RALGAPA1: variants seen among roughly 807,000 people sequenced by gnomAD.
RALGAPA1 encodes Ral GTPase activating protein catalytic subunit alpha 1.
In RALGAPA1, 52 loss-of-function variants were observed where a neutral mutation model predicts 269.6. That is an observed-to-expected ratio of 0.19 (90% confidence interval 0.15 to 0.24). The LOEUF is 0.24. RALGAPA1 is among the 10% of genes least tolerant of loss of function. The pLI is 1.00. For synonymous variants in RALGAPA1, 817 were observed against 1,008.3 expected (o/e 0.81, Z 3.60); for missense variants, 1,917 against 3,013.9 (o/e 0.64, Z 8.52).
chr14:35,619,794 C>A (rs1566840139), intron 35 of RALGAPA1, among the ~76,000 whole-genome samples: 1 of 152,116 alleles, frequency 6.6e-6, no homozygotes, highest in Admixed American at 6.5e-5. Flanking sequence ...CAGGACTAAA[C>A]CAGGAAGAAG....
chr14:35,552,921 A>G (rs1460166510), intron 39 of RALGAPA1, among the ~76,000 whole-genome samples: 1 of 152,202 alleles, frequency 6.6e-6, no homozygotes, highest in East Asian at 1.9e-4. Flanking sequence ...ACATCATTAC[A>G]TATTTTAAAT....
chr14:35,625,966 C>T (rs1263473982), intron 34 of RALGAPA1, among the ~76,000 whole-genome samples: 1 of 152,216 alleles, frequency 6.6e-6, no homozygotes, highest in Non-Finnish European at 1.5e-5. Flanking sequence ...AAGTAAAATA[C>T]AGCTTCTCAT....
chr14:35,716,397 C>CAAAAAA lies in RALGAPA1; in HGVS notation c.2266+5285_2266+5290dup, dbSNP rs78953823. Reference sequence around the variant, plus strand: ...TGGGTGACAGAGTGAGACTCCGTCTCAAAAAAAAAAAAAAAAAAAAAAAGA... The same window carrying CAAAAAA: ...TGGGTGACAGAGTGAGACTCCGTCTCAAAAAAAAAAAAAAAAAAAAAAAAAAAAAGA... On this transcript the variant is annotated intron_variant, in intron 16 of 41. Coordinates refer to ENST00000680220, the MANE Select transcript of RALGAPA1 (RefSeq NM_001346249.2). 6.7e-5 allele frequency among the ~76,000 whole-genome samples: 3 copies of CAAAAAA among 44,606 alleles called. 1 individual carries two copies. The highest frequency in any genetic ancestry group is 4.9e-4 in the Admixed American group (2 of 4,106). The allele number at this position is 44,606 out of a possible 152,430, so 29.3% of individuals were successfully genotyped here.
chr14:35,730,827 T>C lies in RALGAPA1; in HGVS notation c.1588-2317A>G, dbSNP rs183142286. On this transcript the variant is annotated intron_variant, in intron 12 of 41. Coordinates refer to ENST00000680220, the MANE Select transcript of RALGAPA1 (RefSeq NM_001346249.2). Reference sequence around the variant, plus strand: ...CTGGTAACTGAAGACAAAGGACATATGCTCTTGGAAGATCTAGGGCCCCAT... The same window carrying C: ...CTGGTAACTGAAGACAAAGGACATACGCTCTTGGAAGATCTAGGGCCCCAT... Among the ~76,000 whole-genome samples the C allele has an allele frequency of 5.1e-4, 77 of 152,304 alleles. 1 individual carries two copies. Among genetic ancestry groups the C allele is most frequent in the African/African-American group, 1.7e-3 (70 of 41,560 alleles).
intron 1 of RALGAPA1, among the ~76,000 whole-genome samples, chr14:35,793,428 G>A (rs534687471): frequency 2.6e-5 from 4 of 152,002 alleles, no homozygotes; most frequent in Non-Finnish European, 5.9e-5. Flanking sequence ...GTAGAGACAG[G>A]GTTTCTCCAT....
At position 35,721,721 on chromosome 14, in the gene RALGAPA1, T is replaced by C. The variant is rs776364796; in HGVS notation, c.2233A>G (p.Lys745Glu). The C allele has an allele frequency of 4.3e-6, 7 of 1,613,716 alleles. No individual in the cohort carries two copies. The highest frequency in any genetic ancestry group is 1.7e-5 in the Admixed American group (1 of 59,990). Residue 745 changes from lysine (K) to glutamate (E), a missense_variant, in exon 16 of 42, where the codon AAG becomes GAG. By Grantham distance (56) the Lys-to-Glu change is moderately conservative (BLOSUM62 1). This residue lies in a region of RALGAPA1 where 125 missense variants were observed against 155.7 expected (regional missense o/e 0.80). Transcript: ENST00000680220. The part of the protein sequence containing the change: ...ATTTGSPGTE[K>E]ARSIVRQKTV... ...TTTTGCCGTACTATACTCCTCGCCTTTTCGGTTCCTGGAGAACCAGTGGTT... is the reference window on the plus strand; with the variant it reads ...TTTTGCCGTACTATACTCCTCGCCTCTTCGGTTCCTGGAGAACCAGTGGTT...
chr14:35,603,539 T>C (rs1463196587), intron 36 of RALGAPA1, among the ~76,000 whole-genome samples: 1 of 152,166 alleles, frequency 6.6e-6, no homozygotes, highest in Non-Finnish European at 1.5e-5. Flanking sequence ...AACAGATACC[T>C]GCACTGCCAT....
chr14:35,645,242 C>G (rs1421963050), intron 31 of RALGAPA1, among the ~76,000 whole-genome samples: 12 of 152,264 alleles, frequency 7.9e-5, no homozygotes, highest in African/African-American at 2.9e-4. Context: ...CTAATTACCT[C>G]TCAAAGGCCC....
chr14:35,621,311 T>A (rs2060609487), intron 35 of RALGAPA1, among the ~76,000 whole-genome samples: 1 of 152,180 alleles, frequency 6.6e-6, no homozygotes, highest in African/African-American at 2.4e-5. Flanking sequence ...GTTAGCCATA[T>A]GTAGAAAGCT....
chr14:35,623,043 T>C (rs945953460), intron 35 of RALGAPA1, among the ~76,000 whole-genome samples: 8 of 148,242 alleles, frequency 5.4e-5, no homozygotes, highest in African/African-American at 2.0e-4. Context: ...AGTTGTGCCA[T>C]TGCACTTCCA....
At chr14:35,674,752 T>C in intron 22 of RALGAPA1, 43 bp from the exon 23 acceptor site, 1 of 1,014,070 alleles carries the variant, frequency 9.9e-7, no homozygotes, top group Non-Finnish European at 1.5e-6. Flanking sequence ...TTCAGTGAAC[T>C]GAACATAAAA....
chr14:35,698,745 C>T (rs1374782136), intron 17 of RALGAPA1, among the ~76,000 whole-genome samples: 2 of 152,070 alleles, frequency 1.3e-5, no homozygotes, highest in African/African-American at 2.4e-5. Flanking sequence ...TTAGCTGTAT[C>T]TAATTCAGTT....
chr14:35,708,098 G>C (rs753921476), intron 16 of RALGAPA1, among the ~76,000 whole-genome samples: 2 of 152,054 alleles, frequency 1.3e-5, no homozygotes, highest in Non-Finnish European at 2.9e-5. Context: ...TCTCCATATA[G>C]AGAAATCAAA....
intron 12 of RALGAPA1, among the ~76,000 whole-genome samples, chr14:35,731,892 G>A (rs1398908488): frequency 6.6e-6 from 1 of 152,088 alleles, no homozygotes; most frequent in African/African-American, 2.4e-5. Flanking sequence ...AGAACACCTG[G>A]GAAATTCACT....
intron 17 of RALGAPA1, among the ~76,000 whole-genome samples, chr14:35,699,310 G>A (rs950957744): frequency 6.6e-6 from 1 of 152,148 alleles, no homozygotes. Flanking sequence ...TTGCGTGGAG[G>A]GGAGGAGTGT....
chr14:35,611,193 A>G (rs1017242387), intron 35 of RALGAPA1, among the ~76,000 whole-genome samples: 4 of 150,528 alleles, frequency 2.7e-5, no homozygotes, highest in Admixed American at 6.6e-5. Flanking sequence ...ACTTGAGGCC[A>G]AGAGTTTAAG....
chr14:35,702,803 G>A (rs2067478114), intron 16 of RALGAPA1, among the ~76,000 whole-genome samples: 2 of 149,358 alleles, frequency 1.3e-5, no homozygotes, highest in East Asian at 1.9e-4. Context: ...GCAGTGGCGC[G>A]ATCTCGGCTC....
intron 39 of RALGAPA1, among the ~76,000 whole-genome samples, chr14:35,560,404 T>C (rs1266653731): frequency 6.6e-6 from 1 of 152,162 alleles, no homozygotes; most frequent in African/African-American, 2.4e-5. Context: ...CCTTAAAAAA[T>C]TCTTCCCTGA....
At chr14:35,693,348 A>G (rs2066646529) in intron 17 of RALGAPA1, among the ~76,000 whole-genome samples, 1 of 151,820 alleles carries the variant, frequency 6.6e-6, no homozygotes. Flanking sequence ...AGGAACCAAT[A>G]AAAAAACTTT....
Sources: gnomAD v4.1 joint callset for allele counts (sites outside exome capture counted in the v4.1 genomes callset) on GRCh38, gnomAD v4.1.1 for gene constraint, gnomAD v4.1.1 regional missense constraint, MANE v1.5 for transcripts, NCBI Gene and HGNC (gene_info 2026-07-23, HGNC 2026-07-21) for gene names.